Variants in THRB observed in about 807,000 individuals in gnomAD.
THRB encodes the protein nuclear receptor subfamily 1 group A member 2.
A neutral mutation model predicts 47.8 loss-of-function variants in THRB; 12 were observed. That is an observed-to-expected ratio of 0.25 (90% CI 0.16 to 0.41). The LOEUF (loss-of-function observed/expected upper bound fraction) is 0.41, where lower values mean the gene tolerates loss of function less well. THRB is among the 10% of genes least tolerant of loss of function. THRB has a pLI of 1.00. For synonymous variants in THRB, 218 were observed against 212.2 expected (o/e 1.03, Z -0.24); for missense variants, 348 against 589.2 (o/e 0.59, Z 4.24).
At chr3:24,429,706 C>T (rs944468961) in intron 1 of THRB, among the ~76,000 whole-genome samples, 2 of 152,004 alleles carry the variant, frequency 1.3e-5, no homozygotes, top group African/African-American at 2.4e-5. Flanking sequence ...CAGGGCCTTA[C>T]TATGTTGCCC....
At chr3:24,148,418 C>T (rs189547388) in intron 6 of THRB, among the ~76,000 whole-genome samples, 20 of 152,072 alleles carry the variant, frequency 1.3e-4, no homozygotes, top group South Asian at 2.1e-4. Flanking sequence ...TGAGCCACCA[C>T]GCCTGGCTAA....
At chr3:24,384,596 C>T (rs139782645) in intron 1 of THRB, among the ~76,000 whole-genome samples, 5 of 152,016 alleles carry the variant, frequency 3.3e-5, no homozygotes, top group African/African-American at 1.2e-4. Flanking sequence ...TAATTTCCAC[C>T]CTTAGTATAA....
intron 4 of THRB, among the ~76,000 whole-genome samples, chr3:24,224,552 G>A (rs2047468150): frequency 6.6e-6 from 1 of 151,998 alleles, no homozygotes. Flanking sequence ...CCATTAAGAA[G>A]CAGCTGAAAA....
At chr3:24,402,021 C>A (rs1408638965) in intron 1 of THRB, among the ~76,000 whole-genome samples, 1 of 151,866 alleles carries the variant, frequency 6.6e-6, no homozygotes, top group Admixed American at 6.6e-5. Flanking sequence ...CTGCCAAAGC[C>A]AAGGAAAAGA....
At chr3:24,130,973 T>C (rs1393743937) in intron 9 of THRB, among the ~76,000 whole-genome samples, 1 of 152,238 alleles carries the variant, frequency 6.6e-6, no homozygotes, top group Non-Finnish European at 1.5e-5. Context: ...GTAAACGCTA[T>C]GTCCTCCCAT....
chr3:24,351,377 T>C (rs1168771439), intron 1 of THRB, among the ~76,000 whole-genome samples: 1 of 152,124 alleles, frequency 6.6e-6, no homozygotes, highest in Non-Finnish European at 1.5e-5. Flanking sequence ...CCTAATCCTT[T>C]CAAAATGATG....
intron 1 of THRB, among the ~76,000 whole-genome samples, chr3:24,487,564 G>A (rs1249605147): frequency 2.0e-5 from 3 of 152,146 alleles, no homozygotes; most frequent in East Asian, 3.9e-4. Context: ...AATATAAGAA[G>A]AGGATCTGTC....
rs77136507 is a variant in THRB, at chr3:24,268,123, C to A, written c.-43+29103G>T. Among the ~76,000 whole-genome samples the A allele has an allele frequency of 4.0e-3, 615 of 152,176 alleles. 3 individuals carry two copies. Among genetic ancestry groups the A allele is most frequent in the African/African-American group, 0.014 (578 of 41,524 alleles). Reference sequence around the variant, plus strand: ...TCTGAAATAAAGTGAATGGACACAGCCAACATCATCGAGATTATAAAAGAC... The same window carrying A: ...TCTGAAATAAAGTGAATGGACACAGACAACATCATCGAGATTATAAAAGAC... On this transcript the variant is annotated intron_variant, in intron 3 of 10. Transcript: ENST00000646209.
intron 1 of THRB, among the ~76,000 whole-genome samples, chr3:24,464,129 C>G (rs1475267787): frequency 6.6e-6 from 1 of 151,940 alleles, no homozygotes; most frequent in African/African-American, 2.4e-5. Context: ...ACCTGTAGTC[C>G]CAGCTACTCA....
chr3:24,311,264 A>G (rs2057737811), intron 2 of THRB, among the ~76,000 whole-genome samples: 1 of 152,180 alleles, frequency 6.6e-6, no homozygotes, highest in African/African-American at 2.4e-5. Flanking sequence ...GGACAGAAAA[A>G]TGGAGTTGGA....
chr3:24,153,242 G>A (rs2037289971), intron 5 of THRB, among the ~76,000 whole-genome samples: 1 of 152,214 alleles, frequency 6.6e-6, no homozygotes, highest in African/African-American at 2.4e-5. Context: ...CGAAGTCCTT[G>A]TAAGGTGAAG....
intron 9 of THRB, among the ~76,000 whole-genome samples, chr3:24,129,197 G>A (rs1023638524): frequency 8.6e-5 from 13 of 151,878 alleles, no homozygotes; most frequent in African/African-American, 2.4e-4. Flanking sequence ...CTCTCCTTCC[G>A]CTCATTTTTT....
chr3:24,146,862 T>A, intron 6 of THRB, 40 bp from the exon 7 acceptor site: 2 of 1,597,282 alleles, frequency 1.3e-6, no homozygotes, highest in Non-Finnish European at 1.7e-6. Context: ...AGTTTCATAT[T>A]TTCTTGAAAT....
At chr3:24,379,052 T>C (rs909050019) in intron 1 of THRB, among the ~76,000 whole-genome samples, 1 of 152,146 alleles carries the variant, frequency 6.6e-6, no homozygotes, top group Admixed American at 6.5e-5. Flanking sequence ...TTTCCCACTT[T>C]ATTAGATGAG....
intron 2 of THRB, among the ~76,000 whole-genome samples, chr3:24,310,587 CA>C (rs1015232430): frequency 2.0e-5 from 3 of 152,134 alleles, no homozygotes; most frequent in African/African-American, 7.2e-5. Context: ...GCAGTTCTAA[CA>C]AGTTTTTAGG....
intron 1 of THRB, among the ~76,000 whole-genome samples, chr3:24,367,591 T>C (rs1397268752): frequency 1.3e-5 from 2 of 152,204 alleles, no homozygotes; most frequent in South Asian, 2.1e-4. Context: ...GAAAAGTTGC[T>C]TGAGTTCCTG....
In THRB at chr3:24,118,987, T is replaced by C. The variant is rs2031136987; in HGVS notation, c.*3897A>G. The stretch of plus-strand genomic sequence containing the variant: ...CCCCCAGTCTGGTTTTTTTTTTTTT[T>C]TTTTTTTTTTTTTTTTGAGTGTGTT... On this transcript the variant is annotated 3_prime_UTR_variant, in exon 11 of 11. Transcript: ENST00000646209. 6.7e-6 allele frequency: 1 copy of C among 148,168 alleles called. No individual in the cohort carries two copies. Among genetic ancestry groups the C allele is most frequent in the African/African-American group, 2.5e-5 (1 of 40,322 alleles). 9.2% of individuals were successfully genotyped at this position (148,168 alleles called of 1,614,324 possible).
At chr3:24,238,300 G>GGTGGATGT (rs2049121062) in intron 3 of THRB, among the ~76,000 whole-genome samples, 1 of 125,672 alleles carries the variant, frequency 8.0e-6, no homozygotes, top group African/African-American at 2.7e-5. Flanking sequence ...GGGTGTGTGG[G>GGTGGATGT]GTGTGTGTGT....
At chr3:24,333,901 A>T (rs2062075077) in intron 2 of THRB, among the ~76,000 whole-genome samples, 1 of 151,820 alleles carries the variant, frequency 6.6e-6, no homozygotes, top group Non-Finnish European at 1.5e-5. Flanking sequence ...GCTCCACATG[A>T]CTCTTCTTGC....
Sources: allele counts gnomAD v4.1 joint callset (sites outside exome capture counted in the v4.1 genomes callset), GRCh38; gene constraint gnomAD v4.1.1; transcripts MANE v1.5; gene names NCBI Gene and HGNC (gene_info 2026-07-23, HGNC 2026-07-21).